The following PGM3 variants were observed in gnomAD, a reference collection of about 807,000 sequenced individuals.
PGM3 encodes the protein phosphoglucomutase 3.
Under a neutral mutation model 66.2 loss-of-function variants are expected in PGM3, and 40 were observed. The observed-to-expected ratio is 0.60, with a 90% CI of 0.47 to 0.79. The LOEUF (loss-of-function observed/expected upper bound fraction) is 0.79, where lower values mean the gene tolerates loss of function less well. Ranked by LOEUF, PGM3 falls within the 30% of genes least tolerant of loss-of-function variation. The pLI is 0.00. For synonymous variants in PGM3, 191 were observed against 224.2 expected (o/e 0.85, Z 1.32); for missense variants, 537 against 643.4 (o/e 0.83, Z 1.79).
At position 83,172,752 on chromosome 6, in the gene PGM3, C is replaced by T. The variant is rs1322705607; in HGVS notation, c.1243-693G>A. Among the ~76,000 whole-genome samples the T allele has an allele frequency of 3.3e-5, 5 of 152,180 alleles. 1 individual carries two copies. Among genetic ancestry groups the T allele is most frequent in the South Asian group, 4.1e-4 (2 of 4,830 alleles). ...AAGGGAAAAAGACCCTCTCAGCCTC[C>T]TTCAGCTATGATACATCGTTTCCAT... On this transcript the variant is annotated intron_variant, in intron 10 of 12. Transcript: ENST00000513973.
chr6:83,166,093 G>T lies in PGM3; in HGVS notation c.*3141C>A. The T allele has an allele frequency of 2.7e-6, 1 of 367,988 alleles. No individual in the cohort carries two copies. The highest frequency in any genetic ancestry group is 4.9e-6 in the Non-Finnish European group (1 of 205,382). 22.8% of individuals were successfully genotyped at this position (367,988 alleles called of 1,614,324 possible). On this transcript the variant is annotated 3_prime_UTR_variant, in exon 13 of 13. Coordinates refer to ENST00000513973, the MANE Select transcript of PGM3 (RefSeq NM_015599.3). ...ACACATCACAATCCGATAGAGAAATGATTCATTATTGTTGCATAGAATAGA... is the reference window on the plus strand; with the variant it reads ...ACACATCACAATCCGATAGAGAAATTATTCATTATTGTTGCATAGAATAGA...
the PGM3 span, chr6:83,154,237 G>A: frequency 6.2e-7 from 1 of 1,613,350 alleles, no homozygotes; most frequent in Non-Finnish European, 8.5e-7. Context: ...TTAGAGATTT[G>A]ATGAGTGAGT....
the PGM3 span, among the ~76,000 whole-genome samples, chr6:83,154,924 T>G: frequency 6.6e-6 from 1 of 152,232 alleles, no homozygotes; most frequent in Non-Finnish European, 1.5e-5. Flanking sequence ...GGGCAGGATA[T>G]CTGTTTTATC....
intron 6 of PGM3, 41 bp downstream of exon 6, chr6:83,181,695 G>A (rs760572952): frequency 7.2e-7 from 1 of 1,396,414 alleles, no homozygotes; most frequent in East Asian, 2.3e-5. Context: ...TGGCTTCAAA[G>A]AGCATTAAAA....
At chr6:83,183,825 A>G (rs1248235923) in intron 4 of PGM3, among the ~76,000 whole-genome samples, 2 of 151,946 alleles carry the variant, frequency 1.3e-5, no homozygotes, top group African/African-American at 4.8e-5. Flanking sequence ...TCCCAGCCTC[A>G]AGTGATTCTC....
chr6:83,163,667 C>G (rs12190346), downstream of PGM3, among the ~76,000 whole-genome samples: 4 of 152,158 alleles, frequency 2.6e-5, no homozygotes, highest in East Asian at 7.7e-4. Context: ...CAAAACAGTT[C>G]TTGCCCTTAA....
chr6:83,170,424 G>A lies in PGM3; in HGVS notation c.1420C>T (p.Pro474Ser). The A allele has an allele frequency of 6.2e-7, 1 of 1,614,022 alleles. No homozygotes were observed. Among genetic ancestry groups the A allele is most frequent in the Non-Finnish European group, 8.5e-7 (1 of 1,179,920 alleles). The change falls in exon 12 of 13, where the codon CCC becomes TCC. Residue 474 changes from proline to serine, a missense_variant. Transcript: ENST00000513973. ...TTDAERQAVT[P>S]PGLQEAINDL... The stretch of plus-strand genomic sequence containing the variant: ...TTGATTGCCTCCTGTAATCCTGGGG[G>A]TGTAACTGCTTGTCTTTCAGCATCG...
chr6:83,179,797 C>T lies in PGM3; in HGVS notation c.945+13G>A. The T allele has an allele frequency of 6.3e-7, 1 of 1,594,364 alleles. No individual in the cohort carries two copies. On this transcript the variant is annotated intron_variant, in intron 7 of 12. Coordinates refer to ENST00000513973, the MANE Select transcript of PGM3 (RefSeq NM_015599.3). ...AGTCTTGTTTTAGAGGGTAGCCAAT[C>T]CCCCCACCATACCTCCACCAGGAGC...
chr6:83,164,977 C>A lies in PGM3; in HGVS notation c.*4257G>T. On this transcript the variant is annotated 3_prime_UTR_variant, in exon 13 of 13. Coordinates refer to ENST00000513973, the MANE Select transcript of PGM3 (RefSeq NM_015599.3). ...CAAGTGTATTCTTCTTGGTCAAGAG[C>A]TTAATAAAAGTCCCTCTCTTAAAGG... is the stretch of plus-strand genomic sequence containing the variant. 2.7e-6 allele frequency: 1 copy of A among 376,608 alleles called. No homozygotes were observed. The highest frequency in any genetic ancestry group is 4.3e-5 in the Admixed American group (1 of 23,474). 23.3% of individuals were successfully genotyped at this position (376,608 alleles called of 1,614,324 possible).
chr6:83,171,872 GA>G (rs1345510551), intron 11 of PGM3, 64 bp downstream of exon 11: 8 of 1,214,536 alleles, frequency 6.6e-6, no homozygotes, highest in African/African-American at 1.5e-5. Flanking sequence ...GATATAATGA[GA>G]ATTGGGATAA....
At chr6:83,176,131 C>T (rs1787744709) in intron 8 of PGM3, 71 bp from the exon 9 acceptor site, 2 of 850,864 alleles carry the variant, frequency 2.4e-6, no homozygotes, top group Admixed American at 1.8e-5. Context: ...ACCTAGTATC[C>T]CAGAGATACA....
the PGM3 span, chr6:83,155,964 G>C: frequency 6.2e-7 from 1 of 1,612,170 alleles, no homozygotes; most frequent in Admixed American, 1.7e-5. Context: ...GTGTAGCAGT[G>C]GCTCAAAGCA....
At position 83,182,855 on chromosome 6, in the gene PGM3, A is replaced by T; in HGVS notation, c.581T>A (p.Leu194His). The T allele has an allele frequency of 6.2e-7, 1 of 1,613,772 alleles. No homozygotes were observed. The highest frequency in any genetic ancestry group is 1.3e-5 in the African/African-American group (1 of 75,054). Residue 194 changes from leucine to histidine, a missense_variant, in exon 5 of 13, where the codon CTC (leucine) becomes CAC (histidine). Leu to His is a moderately conservative substitution (Grantham distance 99). Coordinates refer to ENST00000513973, the MANE Select transcript of PGM3 (RefSeq NM_015599.3). ...CAATAAACTTTTCACCTGTTTGGTG[A>T]GTTCCACAAAAGCCTTAGAGAGTTT... ...YQKLSKAFVE[L>H]TKQASCSGDE...
intron 7 of PGM3, 101 bp downstream of exon 7, chr6:83,179,709 A>T: frequency 1.1e-6 from 1 of 878,668 alleles, no homozygotes; most frequent in Non-Finnish European, 1.7e-6. Context: ...TAATGTAAAG[A>T]ATTTGTCATA....
rs578221833 is a variant in PGM3, at chr6:83,168,274, T to C, written c.*960A>G. 3 of 1,442,642 alleles carry C rather than the reference T, an allele frequency of 2.1e-6. No individual in the cohort carries two copies. The highest frequency in any genetic ancestry group is 2.5e-5 in the East Asian group (1 of 40,236). 89.4% of individuals were successfully genotyped at this position (1,442,642 alleles called of 1,614,324 possible). A position where few individuals can be genotyped will look rare whatever the true frequency, so the allele number is the denominator to read the frequency against. On this transcript the variant is annotated 3_prime_UTR_variant, in exon 13 of 13. Transcript: ENST00000513973. ...CCTTTTTTGTATGTAACAGAACACA[T>C]TTCAGATTGTATTTAATTTAAATAT...
At chr6:83,177,924 C>G (rs1787899746) in intron 8 of PGM3, among the ~76,000 whole-genome samples, 1 of 152,088 alleles carries the variant, frequency 6.6e-6, no homozygotes, top group African/African-American at 2.4e-5. Flanking sequence ...CCACTGACCA[C>G]CCCCCACACA....
Position 83,166,766 on chromosome 6 carries a change from T to C in PGM3, c.*2468A>G. The stretch of plus-strand genomic sequence containing the variant: ...AGAAGAAAATAAGCTGGATTTTGCA[T>C]CTGCTTGACCCACTAGGAAACTAGT... On this transcript the variant is annotated 3_prime_UTR_variant, in exon 13 of 13. Coordinates refer to ENST00000513973, the MANE Select transcript of PGM3 (RefSeq NM_015599.3). The C allele has an allele frequency of 1.8e-6, 2 of 1,095,298 alleles. No individual in the cohort carries two copies. Among genetic ancestry groups the C allele is most frequent in the Non-Finnish European group, 2.2e-6 (2 of 902,044 alleles). The allele number at this position is 1,095,298 out of a possible 1,614,324, so 67.8% of individuals were successfully genotyped here.
At chr6:83,191,590 C>A (rs1352273954) in intron 1 of PGM3, among the ~76,000 whole-genome samples, 1 of 152,208 alleles carries the variant, frequency 6.6e-6, no homozygotes, top group Non-Finnish European at 1.5e-5. Context: ...CTACCCAGAT[C>A]TTTTTCCATT....
chr6:83,166,434 T>C lies in PGM3; in HGVS notation c.*2800A>G. 1 of 702,038 alleles carries C rather than the reference T, an allele frequency of 1.4e-6. No individual in the cohort carries two copies. Among genetic ancestry groups the C allele is most frequent in the Non-Finnish European group, 2.6e-6 (1 of 384,720 alleles). The allele number at this position is 702,038 out of a possible 1,614,324, so 43.5% of individuals were successfully genotyped here. A position where few individuals can be genotyped will look rare whatever the true frequency, so the allele number is the denominator to read the frequency against. On this transcript the variant is annotated 3_prime_UTR_variant, in exon 13 of 13. Coordinates refer to ENST00000513973, the MANE Select transcript of PGM3 (RefSeq NM_015599.3). ...GCAGTTCCTGGGCCAAATGCATTGT[T>C]GATGTTGTGTGTTGTCTCTGCTGCT...
Sources: allele counts gnomAD v4.1 joint callset (sites outside exome capture counted in the v4.1 genomes callset), GRCh38; gene constraint gnomAD v4.1.1; transcripts MANE v1.5; gene names NCBI Gene and HGNC (gene_info 2026-07-23, HGNC 2026-07-21).